The following GPD1L variants were observed in gnomAD, a reference collection of about 807,000 sequenced individuals.
GPD1L encodes glycerol-3-phosphate dehydrogenase 1-like protein.
Under a neutral mutation model 32.9 loss-of-function variants are expected in GPD1L, and 17 were observed. That is an observed-to-expected ratio of 0.52 (90% CI 0.35 to 0.78). The LOEUF is 0.78. Ranked by LOEUF, GPD1L falls within the 30% of genes least tolerant of loss-of-function variation. The pLI is 0.01. For missense variants in GPD1L, 361 were observed against 447.8 expected, an observed-to-expected ratio of 0.81 and a Z score of 1.75; for synonymous variants, 187 against 165.9, an observed-to-expected ratio of 1.13 and a Z score of -0.98.
At chr3:32,140,557 C>T (rs1256621103) in intron 4 of GPD1L, among the ~76,000 whole-genome samples, 191 bp downstream of exon 4, 2 of 152,116 alleles carry the variant, frequency 1.3e-5, no homozygotes, top group South Asian at 2.1e-4. Context: ...TCAACAACCT[C>T]CAGAATGAAT....
chr3:32,154,075 G>T (rs566704118), intron 5 of GPD1L, among the ~76,000 whole-genome samples: 1 of 152,250 alleles, frequency 6.6e-6, no homozygotes, highest in South Asian at 2.1e-4. Flanking sequence ...AACACGCTCT[G>T]ACTGGCTCAG....
chr3:32,107,964 A>C (rs1259465137), intron 1 of GPD1L, among the ~76,000 whole-genome samples: 1 of 149,376 alleles, frequency 6.7e-6, no homozygotes, highest in Non-Finnish European at 1.5e-5. Context: ...GCTCACTGCA[A>C]CCTCCACCTC....
intron 7 of GPD1L, among the ~76,000 whole-genome samples, chr3:32,162,535 G>A (rs1159315569): frequency 8.5e-6 from 1 of 117,982 alleles, no homozygotes; most frequent in Non-Finnish European, 1.7e-5. Context: ...ACAGGCGCCC[G>A]CCACCGCGCC....
chr3:32,121,600 T>TATATA (rs1700417316), intron 1 of GPD1L, among the ~76,000 whole-genome samples: 2 of 131,538 alleles, frequency 1.5e-5, no homozygotes, highest in African/African-American at 6.4e-5. Context: ...TATATATATA[T>TATATA]TTCTATATAT....
chr3:32,141,900 G>A (rs1700749618), intron 4 of GPD1L, among the ~76,000 whole-genome samples: 1 of 152,120 alleles, frequency 6.6e-6, no homozygotes, highest in South Asian at 2.1e-4. Flanking sequence ...TGTCACCCAG[G>A]TAGTGAGCAT....
chr3:32,155,692 C>T (rs1281506313), intron 5 of GPD1L, among the ~76,000 whole-genome samples: 2 of 152,184 alleles, frequency 1.3e-5, no homozygotes, highest in Non-Finnish European at 2.9e-5. Flanking sequence ...CTGCATGTCC[C>T]CAGGTGTCAA....
chr3:32,107,044 G>A (rs1328914485), intron 1 of GPD1L, among the ~76,000 whole-genome samples: 5 of 152,216 alleles, frequency 3.3e-5, no homozygotes, highest in Admixed American at 1.3e-4. Flanking sequence ...GCGCACAGAA[G>A]CCACCTGCTT....
intron 2 of GPD1L, 96 bp from the exon 3 acceptor site, chr3:32,138,491 A>T: frequency 9.1e-7 from 1 of 1,101,626 alleles, no homozygotes; most frequent in East Asian, 2.3e-5. Flanking sequence ...CTCTGCACAT[A>T]GTAGGCATCT....
intron 5 of GPD1L, among the ~76,000 whole-genome samples, chr3:32,156,114 A>AC (rs145373381): frequency 0.016 from 2,420 of 151,028 alleles, 52 homozygotes; most frequent in African/African-American, 0.056. Flanking sequence ...ATCGCACCCG[A>AC]CCCCCCAGCA....
intron 4 of GPD1L, among the ~76,000 whole-genome samples, chr3:32,145,580 A>G (rs1575117506): frequency 6.6e-6 from 1 of 151,044 alleles, no homozygotes; most frequent in Admixed American, 6.6e-5. Flanking sequence ...AAGTGACTTG[A>G]GGGAGGGGCT....
At chr3:32,111,782 C>T (rs1443189120) in intron 1 of GPD1L, among the ~76,000 whole-genome samples, 1 of 151,150 alleles carries the variant, frequency 6.6e-6, no homozygotes, top group African/African-American at 2.4e-5. Context: ...GCCCACTTTG[C>T]TCTGATGACT....
chr3:32,149,833 C>T (rs1700885978), intron 5 of GPD1L, among the ~76,000 whole-genome samples: 1 of 151,928 alleles, frequency 6.6e-6, no homozygotes, highest in South Asian at 2.1e-4. Flanking sequence ...CCTGTAATCC[C>T]AGCTACTCGG....
At chr3:32,114,887 T>C (rs750631426) in intron 1 of GPD1L, among the ~76,000 whole-genome samples, 4 of 152,200 alleles carry the variant, frequency 2.6e-5, no homozygotes, top group Non-Finnish European at 4.4e-5. Context: ...AGTTGTTTGT[T>C]CCTCCAGGTG....
intron 1 of GPD1L, among the ~76,000 whole-genome samples, chr3:32,117,920 T>C (rs926436980): frequency 2.0e-5 from 3 of 152,218 alleles, no homozygotes; most frequent in African/African-American, 4.8e-5. Flanking sequence ...TGAACATTGT[T>C]CCCATGGTGT....
chr3:32,116,009 C>T (rs921593461), intron 1 of GPD1L, among the ~76,000 whole-genome samples: 14 of 151,790 alleles, frequency 9.2e-5, no homozygotes, highest in African/African-American at 1.2e-4. Flanking sequence ...AGGATGGTCT[C>T]GATCTCCTGA....
rs568004238 is a variant in GPD1L at position 32,138,734 on chromosome 3, C to G, written c.366+7C>G. 6.2e-7 allele frequency: 1 copy of G among 1,613,472 alleles called. No homozygotes were observed. Among genetic ancestry groups the G allele is most frequent in the African/African-American group, 1.3e-5 (1 of 74,822 alleles). ...GGGAATCACCCTCATCAAGGTAACTCGAGTGCATGCTGCCCAGGGCTAGAC... is the reference window on the plus strand; with the variant it reads ...GGGAATCACCCTCATCAAGGTAACTGGAGTGCATGCTGCCCAGGGCTAGAC... On this transcript the variant is annotated splice_region_variant and intron_variant, in intron 3 of 7. Transcript: ENST00000282541.
At chr3:32,155,314 A>T (rs1230453091) in intron 5 of GPD1L, among the ~76,000 whole-genome samples, 1 of 152,052 alleles carries the variant, frequency 6.6e-6, no homozygotes, top group Non-Finnish European at 1.5e-5. Context: ...ATAGGTACAT[A>T]CTTCTGAGTC....
chr3:32,142,438 C>T (rs1700758699), intron 4 of GPD1L, among the ~76,000 whole-genome samples: 1 of 152,024 alleles, frequency 6.6e-6, no homozygotes, highest in Admixed American at 6.6e-5. Context: ...TTTTTAATGG[C>T]TTTTACTATT....
chr3:32,156,146 C>T (rs759695501), intron 5 of GPD1L, among the ~76,000 whole-genome samples: 9 of 152,198 alleles, frequency 5.9e-5, no homozygotes, highest in African/African-American at 1.4e-4. Context: ...TCCTTTCACA[C>T]GGCTTCTGCC....
Sources: gnomAD v4.1 joint callset for allele counts (sites outside exome capture counted in the v4.1 genomes callset) on GRCh38, gnomAD v4.1.1 for gene constraint, MANE v1.5 for transcripts, NCBI Gene and HGNC (gene_info 2026-07-23, HGNC 2026-07-21) for gene names.